PPM1H: variants seen among roughly 807,000 people sequenced by gnomAD.
The protein encoded by PPM1H is protein phosphatase 1H.
A neutral mutation model predicts 54.9 loss-of-function variants in PPM1H; 27 were observed. That is an observed-to-expected ratio of 0.49 (90% CI 0.36 to 0.68). The LOEUF (loss-of-function observed/expected upper bound fraction) is 0.68, where lower values mean the gene tolerates loss of function less well. PPM1H is among the 30% of genes least tolerant of loss of function. The pLI, the probability that PPM1H is intolerant of heterozygous loss-of-function variation, is 0.00. For synonymous variants in PPM1H, 305 were observed against 270.8 expected (o/e 1.13, Z -1.24); for missense variants, 596 against 667.8 (o/e 0.89, Z 1.19).
chr12:62,740,787 T>C (rs546206945), intron 4 of PPM1H, among the ~76,000 whole-genome samples: 114 of 152,290 alleles, frequency 7.5e-4, no homozygotes, highest in African/African-American at 2.5e-3. Flanking sequence ...ATGCAGAATT[T>C]CAAGACAGCC....
Position 62,934,113 on chromosome 12 carries a change from G to A in PPM1H, c.245+379C>T, listed in dbSNP as rs1872240862. 1 of 179,666 alleles carries A rather than the reference G, an allele frequency of 5.6e-6. No individual in the cohort carries two copies. The highest frequency in any genetic ancestry group is 2.4e-5 in the African/African-American group (1 of 42,500). The allele number at this position is 179,666 out of a possible 1,614,324, so 11.1% of individuals were successfully genotyped here. ...CACGCGGGGGCGTCAACTATATTTT[G>A]GGAGGGTGGGGGTACAGATAGCAGA... is the stretch of plus-strand genomic sequence containing the variant. On this transcript the variant is annotated intron_variant, in intron 1 of 9. Coordinates refer to ENST00000228705, the MANE Select transcript of PPM1H (RefSeq NM_020700.2). This position sits in a 1 kb window ranked among gnomAD's most constrained non-coding sequence, Gnocchi z 4.2.
At chr12:62,734,157 TA>T (rs60789304) in intron 5 of PPM1H, among the ~76,000 whole-genome samples, 155 of 136,110 alleles carry the variant, frequency 1.1e-3, no homozygotes, top group African/African-American at 3.1e-3. Context: ...TTAAAGAAAA[TA>T]AAAAAAAAAG....
intron 2 of PPM1H, among the ~76,000 whole-genome samples, chr12:62,806,392 T>C (rs2076805488): frequency 6.6e-6 from 1 of 152,150 alleles, no homozygotes; most frequent in Non-Finnish European, 1.5e-5. Context: ...GAGTAGGCAG[T>C]AGAGATAAAA....
At chr12:62,894,757 C>T (rs1029972510) in intron 1 of PPM1H, among the ~76,000 whole-genome samples, 2 of 152,138 alleles carry the variant, frequency 1.3e-5, no homozygotes, top group East Asian at 1.9e-4. Context: ...ATTTGCTAGG[C>T]GCCGTGGCTC....
At chr12:62,733,294 C>A (rs1466552965) in intron 5 of PPM1H, among the ~76,000 whole-genome samples, 1 of 152,100 alleles carries the variant, frequency 6.6e-6, no homozygotes, top group Admixed American at 6.6e-5. Context: ...TGCTCTGTTG[C>A]CCAGGCTGGA....
In PPM1H at chr12:62,817,960, C is replaced by T. The variant is rs140250930; in HGVS notation, c.411+14154G>A. ...TAATTAGACACTGAACTAGCAGATA[C>T]TGAAACCACACACTTTGATGTGTTT... On this transcript the variant is annotated intron_variant, in intron 2 of 9. Transcript: ENST00000228705. Among the ~76,000 whole-genome samples the T allele has an allele frequency of 2.6e-5, 4 of 152,294 alleles. No homozygotes were observed. The East Asian group carries it at 7.7e-4, about 29-fold the overall frequency.
chr12:62,821,013 A>G (rs1430324474), intron 2 of PPM1H, among the ~76,000 whole-genome samples: 1 of 152,184 alleles, frequency 6.6e-6, no homozygotes, highest in African/African-American at 2.4e-5. Context: ...CAAAGAAGCT[A>G]AAAACCTTGA....
At chr12:62,898,671 A>C (rs1290545492) in intron 1 of PPM1H, among the ~76,000 whole-genome samples, 8 of 152,210 alleles carry the variant, frequency 5.3e-5, no homozygotes, top group African/African-American at 1.9e-4. Context: ...CTTGCAAAGA[A>C]GCCTCAAAAA....
At chr12:62,849,210 G>A (rs1179878646) in intron 1 of PPM1H, among the ~76,000 whole-genome samples, 1 of 152,114 alleles carries the variant, frequency 6.6e-6, no homozygotes, top group African/African-American at 2.4e-5. Flanking sequence ...AACCATCTGG[G>A]ACAACTCTTT....
chr12:62,933,565 C>T (rs570610849), intron 1 of PPM1H, among the ~76,000 whole-genome samples: 1 of 151,660 alleles, frequency 6.6e-6, no homozygotes, highest in South Asian at 2.1e-4. Context: ...TCATTAATAA[C>T]CTTGAATTCT....
At chr12:62,814,015 T>C (rs990565534) in intron 2 of PPM1H, among the ~76,000 whole-genome samples, 4 of 152,226 alleles carry the variant, frequency 2.6e-5, no homozygotes, top group African/African-American at 9.6e-5. Context: ...AATTATATAC[T>C]TTATGGATAC....
At chr12:62,779,240 G>T (rs185328118) in intron 4 of PPM1H, among the ~76,000 whole-genome samples, 1 of 152,006 alleles carries the variant, frequency 6.6e-6, no homozygotes, top group South Asian at 2.1e-4. Context: ...GTAGAGACGG[G>T]GTTTCACCAT....
intron 8 of PPM1H, among the ~76,000 whole-genome samples, chr12:62,678,241 C>T (rs2075998848): frequency 6.6e-6 from 1 of 152,136 alleles, no homozygotes; most frequent in Non-Finnish European, 1.5e-5. Context: ...GTCACCATGC[C>T]CAGGATTTGC....
intron 1 of PPM1H, among the ~76,000 whole-genome samples, chr12:62,878,626 TAAAAAAAAAAAA>T (rs34587900): frequency 2.5e-4 from 20 of 81,580 alleles, no homozygotes; most frequent in East Asian, 1.0e-3. Context: ...TGATTACGCT[TAAAAAAAAAAAA>T]AAAAAAAAAA....
intron 1 of PPM1H, among the ~76,000 whole-genome samples, chr12:62,840,620 G>A (rs971930009): frequency 2.6e-5 from 4 of 152,146 alleles, no homozygotes; most frequent in Non-Finnish European, 4.4e-5. Context: ...CAGAGAAAAG[G>A]TAAGAAAAGG....
chr12:62,727,637 ATATTATTAT>A lies in PPM1H; in HGVS notation c.955-7357_955-7349del, dbSNP rs146320023. Among the ~76,000 whole-genome samples, 865 of 139,806 alleles carry A rather than the reference ATATTATTAT, an allele frequency of 6.2e-3. 3 individuals are homozygous for A. The highest frequency in any genetic ancestry group is 0.013 in the African/African-American group (478 of 38,228). 91.7% of individuals were successfully genotyped at this position (139,806 alleles called of 152,430 possible). On this transcript the variant is annotated intron_variant, in intron 5 of 9. Coordinates refer to ENST00000228705, the MANE Select transcript of PPM1H (RefSeq NM_020700.2). ...ATTAGCAGTTGATATTAAAATGCAAATATTATTATTATTATTATTATTATTATTATTATT... is the reference window on the plus strand; with the variant it reads ...ATTAGCAGTTGATATTAAAATGCAAATATTATTATTATTATTATTATTATT...
At chr12:62,812,144 G>C (rs1473812657) in intron 2 of PPM1H, among the ~76,000 whole-genome samples, 1 of 152,178 alleles carries the variant, frequency 6.6e-6, no homozygotes, top group African/African-American at 2.4e-5. Flanking sequence ...GCACTTCAGT[G>C]TTGCTTGTGT....
intron 2 of PPM1H, among the ~76,000 whole-genome samples, chr12:62,815,033 G>A (rs760240930): frequency 3.9e-5 from 6 of 152,190 alleles, no homozygotes; most frequent in Non-Finnish European, 8.8e-5. Context: ...GATCCTCACA[G>A]TACCACAGTG....
chr12:62,751,395 A>G (rs2076441611), intron 4 of PPM1H, among the ~76,000 whole-genome samples: 1 of 152,248 alleles, frequency 6.6e-6, no homozygotes, highest in African/African-American at 2.4e-5. Context: ...CCTGAGGGAA[A>G]GAATGAGGAA....
Sources: gnomAD v4.1 joint callset for allele counts (sites outside exome capture counted in the v4.1 genomes callset) on GRCh38, gnomAD v4.1.1 for gene constraint, Gnocchi (gnomAD v3.1) non-coding constraint, MANE v1.5 for transcripts, NCBI Gene and HGNC (gene_info 2026-07-23, HGNC 2026-07-21) for gene names.